The following MRPL40 variants were observed in gnomAD, a reference collection of about 807,000 sequenced individuals.
The protein encoded by MRPL40 is large ribosomal subunit protein mL40.
In MRPL40, 18 loss-of-function variants were observed where a neutral mutation model predicts 24.5. That is an observed-to-expected ratio of 0.73 (90% CI 0.51 to 1.09). The LOEUF (loss-of-function observed/expected upper bound fraction) is 1.09. MRPL40 is among the 50% of genes least tolerant of loss of function. The pLI is 0.00. For missense variants in MRPL40, 256 were observed against 243.8 expected (o/e 1.05, Z -0.33); for synonymous variants, 108 against 94.6 (o/e 1.14, Z -0.82).
intron 2 of MRPL40, among the ~76,000 whole-genome samples, chr22:19,433,779 T>C (rs2146269707): frequency 6.6e-6 from 1 of 152,264 alleles, no homozygotes; most frequent in Middle Eastern, 3.4e-3. Flanking sequence ...TCTTTTTTTT[T>C]TGAGATGGAG....
intron 3 of MRPL40, 55 bp from the exon 4 acceptor site, chr22:19,435,583 T>C (rs1052160316): frequency 1.4e-5 from 21 of 1,483,606 alleles, no homozygotes; most frequent in African/African-American, 4.2e-5. Context: ...CTTGTGTCAG[T>C]TGCAGTCACA....
In MRPL40 at chr22:19,432,575, A is replaced by C. The variant is rs201003382; in HGVS notation, c.21A>C (p.Arg7=). Residue 7 remains arginine, a synonymous_variant, in exon 1 of 4, where the codon CGA becomes CGC. Coordinates refer to ENST00000333130, the MANE Select transcript of MRPL40 (RefSeq NM_003776.4). MTASVL[R]SISLALRPTS... ...TAGCCATGACGGCCTCCGTGCTGCG[A>C]AGTATCTCGCTAGCCCTGCGCCCGA... 2 of 1,553,370 alleles carry C rather than the reference A, an allele frequency of 1.3e-6. No individual in the cohort carries two copies. The highest frequency in any genetic ancestry group is 4.9e-5 in the East Asian group (2 of 40,508).
At chr22:19,434,629 G>T (rs1378989992) in intron 2 of MRPL40, 107 bp from the exon 3 acceptor site, 6 of 877,186 alleles carry the variant, frequency 6.8e-6, no homozygotes, top group Non-Finnish European at 1.0e-5. Context: ...GTCATGCACA[G>T]CTCCTTCCCC....
chr22:19,433,005 C>T, intron 1 of MRPL40: 1 of 632,172 alleles, frequency 1.6e-6, no homozygotes, highest in South Asian at 2.3e-5. Context: ...TTTCGGCTCA[C>T]TGCAACCTCT....
chr22:19,435,204 T>C (rs1601874107), intron 3 of MRPL40, among the ~76,000 whole-genome samples: 1 of 152,230 alleles, frequency 6.6e-6, no homozygotes, highest in African/African-American at 2.4e-5. Context: ...GCCTGGAGTC[T>C]GAAGCCCTCG....
At chr22:19,432,801 C>G (rs955971535) in intron 1 of MRPL40, 194 bp downstream of exon 1, 2 of 1,374,646 alleles carry the variant, frequency 1.5e-6, no homozygotes, top group African/African-American at 3.0e-5. Flanking sequence ...CTTAAGTCCT[C>G]TGTGGTCTGA....
In MRPL40 at chr22:19,435,814, A is replaced by G. The variant is rs757412656; in HGVS notation, c.473A>G (p.His158Arg). The change falls in exon 4 of 4, where the codon CAT becomes CGT. Residue 158 changes from histidine to arginine, a missense_variant. His to Arg is a conservative substitution (Grantham distance 29, BLOSUM62 0). Transcript: ENST00000333130. ...CTGCAACTGGAATCCCCGAAGCTCCATGCTGAGGCCATCAAGCGGGATCCT... is the reference window on the plus strand; with the variant it reads ...CTGCAACTGGAATCCCCGAAGCTCCGTGCTGAGGCCATCAAGCGGGATCCT... ...EELQLESPKL[H>R]AEAIKRDPNL... 1.9e-6 allele frequency: 3 copies of G among 1,614,156 alleles called. No homozygotes were observed. The highest frequency in any genetic ancestry group is 1.7e-6 in the Non-Finnish European group (2 of 1,179,972).
chr22:19,432,598 CG>C lies in MRPL40; in HGVS notation c.45del (p.Thr16LeufsTer30), dbSNP rs1346572644. 1 of 1,554,170 alleles carries C rather than the reference CG, an allele frequency of 6.4e-7. No individual in the cohort carries two copies. The highest frequency in any genetic ancestry group is 1.4e-5 in the African/African-American group (1 of 72,444). On this transcript the variant is annotated frameshift_variant, in exon 1 of 4. Transcript: ENST00000333130. LOFTEE classifies it high-confidence loss of function. ...VLRSISLALR[P>X]TSGLLGTWQT... ...CGAAGTATCTCGCTAGCCCTGCGCC[CG>C]ACTAGCGGGTGAGTGCGGACGCTGG... is the stretch of plus-strand genomic sequence containing the variant.
At chr22:19,433,214 C>G in intron 1 of MRPL40, 51 bp from the exon 2 acceptor site, 1 of 1,336,878 alleles carries the variant, frequency 7.5e-7, no homozygotes. Context: ...CGTGAGCAAC[C>G]GCGCCTAGCC....
rs201674329 is a variant in MRPL40, at chr22:19,433,309, G to A, written c.98G>A (p.Arg33Gln). 3 of 1,613,136 alleles carry A rather than the reference G, an allele frequency of 1.9e-6. No individual in the cohort carries two copies. Among genetic ancestry groups the A allele is most frequent in the Admixed American group, 1.7e-5 (1 of 59,998 alleles). The part of the protein sequence containing the change: ...WQTQLRETHQ[R>Q]ASLLSFWELI... ...ACGCAGCTTAGAGAGACTCACCAGCGAGCGTCATTGTTGTCTTTCTGGGAA... is the reference window on the plus strand; with the variant it reads ...ACGCAGCTTAGAGAGACTCACCAGCAAGCGTCATTGTTGTCTTTCTGGGAA... Residue 33 changes from arginine (R) to glutamine (Q), a missense_variant, in exon 2 of 4, where the codon CGA becomes CAA. By Grantham distance (43) the Arg-to-Gln change is conservative. Transcript: ENST00000333130.
At position 19,435,953 on chromosome 22, in the gene MRPL40, TA is replaced by T; in HGVS notation, c.614del (p.Lys205ArgfsTer10). The T allele has an allele frequency of 6.2e-7, 1 of 1,612,516 alleles. No individual in the cohort carries two copies. Among genetic ancestry groups the T allele is most frequent in the East Asian group, 2.2e-5 (1 of 44,846 alleles). ...CCAAGGTGTACACACAAGTGGAGTT[TA>T]AGAGATAGACTTGCAGGCTGCTATC... is the stretch of plus-strand genomic sequence containing the variant. ...ITKVYTQVEF[K>X]R is the part of the protein sequence containing the mutation. On this transcript the variant is annotated frameshift_variant, in exon 4 of 4. Transcript: ENST00000333130. LOFTEE classifies it high-confidence loss of function.
Position 19,435,657 on chromosome 22 carries a change from C to G in MRPL40, c.316C>G (p.Leu106Val). The change falls in exon 4 of 4, where the codon CTC (leucine) becomes GTC (valine). Residue 106 changes from leucine to valine, a missense_variant. Leu to Val is a conservative substitution (Grantham distance 32). Coordinates refer to ENST00000333130, the MANE Select transcript of MRPL40 (RefSeq NM_003776.4). ...TTGCAGAGAGCGGCCTCAGGTGGAG[C>G]TCACCTTTGAGGAGACTGAGAGGAG... ...DKARERPQVE[L>V]TFEETERRAL... The G allele has an allele frequency of 6.2e-7, 1 of 1,613,438 alleles. No individual in the cohort carries two copies. The highest frequency in any genetic ancestry group is 8.5e-7 in the Non-Finnish European group (1 of 1,179,596).
chr22:19,433,051 C>G (rs976734908), intron 1 of MRPL40: 1 of 527,524 alleles, frequency 1.9e-6, no homozygotes, highest in Non-Finnish European at 3.2e-6. Context: ...CCCGGCCTCC[C>G]GAGTAGCTCG....
chr22:19,432,826 A>C (rs1353189138), intron 1 of MRPL40: 1 of 1,353,340 alleles, frequency 7.4e-7, no homozygotes, highest in Non-Finnish European at 9.5e-7. Context: ...AAGATTTTGA[A>C]AAACCTTCCA....
rs1169400979 is a variant in MRPL40 at position 19,433,347 on chromosome 22, AGG to A, written c.137_137+1del. The A allele has an allele frequency of 2.5e-6, 4 of 1,599,404 alleles. No individual in the cohort carries two copies. Among genetic ancestry groups the A allele is most frequent in the Non-Finnish European group, 3.4e-6 (4 of 1,166,978 alleles). On this transcript the variant is annotated splice_donor_variant and coding_sequence_variant, in exon 2 of 4. Coordinates refer to ENST00000333130, the MANE Select transcript of MRPL40 (RefSeq NM_003776.4). LOFTEE classifies it high-confidence loss of function. ...GTCTTTCTGGGAACTCATTCCCATGAGGTAAAACTCAATCGAGGGCCTGACCT... is the reference window on the plus strand; with the variant it reads ...GTCTTTCTGGGAACTCATTCCCATGATAAAACTCAATCGAGGGCCTGACCT...
In MRPL40 at chr22:19,433,245, C is replaced by G. The variant is rs758658711; in HGVS notation, c.54-20C>G. On this transcript the variant is annotated intron_variant, in intron 1 of 3. Transcript: ENST00000333130. The stretch of plus-strand genomic sequence containing the variant: ...TAGCCTGGAGAAGCAGATATTTATA[C>G]ATACTCTTGTATCTTTCAGGCTTCT... 4 of 1,557,420 alleles carry G rather than the reference C, an allele frequency of 2.6e-6. No individual in the cohort carries two copies. The highest frequency in any genetic ancestry group is 2.7e-5 in the African/African-American group (2 of 73,774).
In MRPL40 at chr22:19,435,631, T is replaced by C; in HGVS notation, c.297-7T>C. ...AGTGAGATTGGTAACCCTTAGCTTC[T>C]TTGCAGAGAGCGGCCTCAGGTGGAG... On this transcript the variant is annotated splice_region_variant and splice_polypyrimidine_tract_variant and intron_variant, in intron 3 of 3. Transcript: ENST00000333130. The C allele has an allele frequency of 5.6e-6, 9 of 1,607,840 alleles. No individual in the cohort carries two copies. Among genetic ancestry groups the C allele is most frequent in the Non-Finnish European group, 7.6e-6 (9 of 1,176,512 alleles).
chr22:19,434,216 CTT>C (rs35856980), intron 2 of MRPL40, among the ~76,000 whole-genome samples: 2,802 of 85,296 alleles, frequency 0.033, 41 homozygotes, highest in East Asian at 0.11. Flanking sequence ...TGCTTTTGTA[CTT>C]TTTTTTTTTT....
At position 19,433,249 on chromosome 22, in the gene MRPL40, C is replaced by T. The variant is rs1278770057; in HGVS notation, c.54-16C>T. Reference sequence around the variant, plus strand: ...CTGGAGAAGCAGATATTTATACATACTCTTGTATCTTTCAGGCTTCTGGGA... The same window carrying T: ...CTGGAGAAGCAGATATTTATACATATTCTTGTATCTTTCAGGCTTCTGGGA... On this transcript the variant is annotated splice_polypyrimidine_tract_variant and intron_variant, in intron 1 of 3. Coordinates refer to ENST00000333130, the MANE Select transcript of MRPL40 (RefSeq NM_003776.4). 1.9e-6 allele frequency: 3 copies of T among 1,573,712 alleles called. No homozygotes were observed. Among genetic ancestry groups the T allele is most frequent in the African/African-American group, 1.3e-5 (1 of 74,210 alleles).
Sources: allele counts gnomAD v4.1 joint callset (sites outside exome capture counted in the v4.1 genomes callset), GRCh38; gene constraint gnomAD v4.1.1; transcripts MANE v1.5; gene names NCBI Gene and HGNC (gene_info 2026-07-23, HGNC 2026-07-21).